The following TTC3 variants were observed in gnomAD, a reference collection of about 807,000 sequenced individuals.
The protein encoded by TTC3 is E3 ubiquitin-protein ligase TTC3.
Under a neutral mutation model 249.6 loss-of-function variants are expected in TTC3, and 180 were observed. The ratio of observed to expected loss-of-function variants is 0.72; its 90% CI spans 0.64 to 0.82. TTC3 has a LOEUF of 0.82. Among genes scored for constraint, TTC3 ranks in the 40% least tolerant of loss-of-function variants. The pLI is 0.00. For synonymous variants in TTC3, 717 were observed against 805.0 expected (o/e 0.89, Z 1.85); for missense variants, 2,061 against 2,398.4 (o/e 0.86, Z 2.94).
intron 27 of TTC3, 25 bp from the exon 28 acceptor site, chr21:37,156,630 G>A: frequency 6.3e-7 from 1 of 1,587,392 alleles, no homozygotes. Context: ...CTCCTCTTCT[G>A]ATTTGGGTTT....
intron 8 of TTC3, among the ~76,000 whole-genome samples, 182 bp from the exon 9 acceptor site, chr21:37,095,168 G>C (rs567856294): frequency 4.6e-4 from 35 of 76,738 alleles, no homozygotes; most frequent in African/African-American, 1.3e-3. Context: ...TGTGTGTATA[G>C]TGGGTGTGTA....
exon 4 of TTC3, chr21:37,088,253 G>C: frequency 6.2e-7 from 1 of 1,612,678 alleles, no homozygotes; most frequent in Non-Finnish European, 8.5e-7. Flanking sequence ...CAAGATTATT[G>C]CGATGCCATT....
intron 12 of TTC3, among the ~76,000 whole-genome samples, chr21:37,122,396 G>A (rs1291324435): frequency 7.0e-6 from 1 of 143,580 alleles, no homozygotes; most frequent in Non-Finnish European, 1.5e-5. Flanking sequence ...TAATTCTGCA[G>A]CGTGCTGAAT....
chr21:37,112,596 G>C (rs539556920), intron 11 of TTC3, among the ~76,000 whole-genome samples: 1 of 152,124 alleles, frequency 6.6e-6, no homozygotes, highest in Non-Finnish European at 1.5e-5. Context: ...ATTCACAGCC[G>C]AATTCTACCA....
At chr21:37,126,038 GTTGTT>G in intron 14 of TTC3, 37 bp from the exon 15 acceptor site, 1 of 1,358,956 alleles carries the variant, frequency 7.4e-7, no homozygotes, top group African/African-American at 1.6e-5. Flanking sequence ...TCATGGCTGG[GTTGTT>G]TTTTTTTTTT....
intron 10 of TTC3, chr21:37,107,652 T>C (rs952750964): frequency 6.6e-6 from 1 of 152,248 alleles, no homozygotes; most frequent in African/African-American, 2.4e-5. Flanking sequence ...AGTGATTAAA[T>C]TAGACCTAAC....
At chr21:37,182,996 A>T (rs764946740) in intron 36 of TTC3, 83 bp downstream of exon 36, 28 of 1,170,970 alleles carry the variant, frequency 2.4e-5, no homozygotes, top group Middle Eastern at 2.5e-4. Flanking sequence ...TTGATATTTA[A>T]TATTAAACTA....
exon 7 of TTC3, chr21:37,091,317 C>G: frequency 6.2e-7 from 1 of 1,611,032 alleles, no homozygotes; most frequent in East Asian, 2.2e-5. Flanking sequence ...GGAAGAAGCT[C>G]TGAATTGGAT....
chr21:37,152,699 G>A (rs1212870160), intron 26 of TTC3, among the ~76,000 whole-genome samples: 2 of 152,094 alleles, frequency 1.3e-5, no homozygotes, highest in Non-Finnish European at 2.9e-5. Context: ...AGTTTCAAAT[G>A]CTACTACATG....
At chr21:37,144,334 A>G (rs1016814848) in intron 20 of TTC3, among the ~76,000 whole-genome samples, 191 bp from the exon 21 acceptor site, 2 of 152,168 alleles carry the variant, frequency 1.3e-5, no homozygotes, top group Non-Finnish European at 2.9e-5. Flanking sequence ...TGTTTAATGT[A>G]TATTACTTTT....
At chr21:37,192,082 G>T (rs1205333325) in intron 40 of TTC3, 30 bp from the exon 41 acceptor site, 2 of 1,385,272 alleles carry the variant, frequency 1.4e-6, no homozygotes, top group South Asian at 1.2e-5. Flanking sequence ...GACAATTGTG[G>T]TTTTCCCACA....
At position 37,124,607 on chromosome 21, in the gene TTC3, TC is replaced by T. The variant is rs771480255; in HGVS notation, c.1110-7del. On this transcript the variant is annotated splice_polypyrimidine_tract_variant and intron_variant, in intron 13 of 45. Coordinates refer to ENST00000355666, the Ensembl canonical transcript of TTC3. Reference sequence around the variant, plus strand: ...AAAAAATGTATAATAATTCCTTTTTTCCCCCACTTAGGGCCTACACACCTAG... The same window carrying T: ...AAAAAATGTATAATAATTCCTTTTTTCCCCACTTAGGGCCTACACACCTAG... 6.2e-7 allele frequency: 1 copy of T among 1,605,150 alleles called. No individual in the cohort carries two copies. Among genetic ancestry groups the T allele is most frequent in the Non-Finnish European group, 8.5e-7 (1 of 1,177,894 alleles).
chr21:37,137,588 G>T (rs1407195104), intron 18 of TTC3, among the ~76,000 whole-genome samples: 1 of 152,138 alleles, frequency 6.6e-6, no homozygotes, highest in Non-Finnish European at 1.5e-5. Flanking sequence ...AACAAAAAAA[G>T]TCATTTCTTG....
intron 14 of TTC3, among the ~76,000 whole-genome samples, 190 bp from the exon 15 acceptor site, chr21:37,125,890 A>G (rs1441037112): frequency 1.3e-5 from 2 of 151,846 alleles, no homozygotes; most frequent in African/African-American, 2.4e-5. Context: ...TCGTTGCCAT[A>G]TCATGATCCT....
chr21:37,142,628 T>A (rs2078588526), intron 20 of TTC3, among the ~76,000 whole-genome samples: 1 of 152,230 alleles, frequency 6.6e-6, no homozygotes, highest in Non-Finnish European at 1.5e-5. Flanking sequence ...CATTCCATGC[T>A]CATGGATAGG....
exon 46 of TTC3, chr21:37,202,342 CGGT>C (rs2085572220): frequency 1.3e-5 from 2 of 152,246 alleles, no homozygotes; most frequent in African/African-American, 4.8e-5. Context: ...TCCCAGCCCC[CGGT>C]TGGAGCCTGC....
At chr21:37,175,891 T>A (rs1421273330) in intron 35 of TTC3, among the ~76,000 whole-genome samples, 1 of 101,040 alleles carries the variant, frequency 9.9e-6, no homozygotes, top group African/African-American at 3.9e-5. Flanking sequence ...TGCCTCAGCC[T>A]CCTGGGTAGC....
chr21:37,102,600 C>T lies in TTC3; in HGVS notation c.846-5792C>T, dbSNP rs2074619078. On this transcript the variant is annotated intron_variant, in intron 10 of 45. Transcript: ENST00000355666. ...GGTTTTTAGAAATAATGGCAAAACCCCTAATTACTTTTGCACCAACCTAAT... is the reference window on the plus strand; with the variant it reads ...GGTTTTTAGAAATAATGGCAAAACCTCTAATTACTTTTGCACCAACCTAAT... Among the ~76,000 whole-genome samples the T allele has an allele frequency of 1.3e-5, 2 of 152,144 alleles. 1 individual carries two copies. Among genetic ancestry groups the T allele is most frequent in the South Asian group, 4.1e-4 (2 of 4,824 alleles).
chr21:37,192,542 C>G lies in TTC3; in HGVS notation c.5217+329C>G, dbSNP rs188673105. Among the ~76,000 whole-genome samples the G allele has an allele frequency of 2.5e-4, 27 of 106,206 alleles. No homozygotes were observed. The East Asian group carries it at 8.0e-3, about 32-fold the overall frequency. The allele number at this position is 106,206 out of a possible 152,430, so 69.7% of individuals were successfully genotyped here. On this transcript the variant is annotated intron_variant, in intron 41 of 45. Transcript: ENST00000355666. ...GTGTGTGTTGTATATGTATTCCTGA[C>G]TTTGAACAAATAATCCAGGAGTAGC...
Sources: gnomAD v4.1 joint callset for allele counts (sites outside exome capture counted in the v4.1 genomes callset) on GRCh38, gnomAD v4.1.1 for gene constraint, MANE v1.5 for transcripts, NCBI Gene and HGNC (gene_info 2026-07-23, HGNC 2026-07-21) for gene names.